The following MYOF variants were observed in gnomAD, a reference collection of about 807,000 sequenced individuals.
The protein encoded by MYOF is myoferlin.
A neutral mutation model predicts 284.2 loss-of-function variants in MYOF; 244 were observed. The observed-to-expected ratio is 0.86, with a 90% CI of 0.77 to 0.95. MYOF has a LOEUF of 0.95. Among genes scored for constraint, MYOF ranks in the 40% least tolerant of loss-of-function variants. The probability of loss-of-function intolerance (pLI) is 0.00; values close to 1 mark genes in which losing one functional copy is unlikely to be tolerated. For synonymous variants in MYOF, 904 were observed against 919.7 expected (o/e 0.98, Z 0.31); for missense variants, 2,496 against 2,560.6 (o/e 0.97, Z 0.54).
At position 93,383,262 on chromosome 10, in the gene MYOF, A is replaced by G. The variant is rs1846210620; in HGVS notation, c.1699-1866T>C. Among the ~76,000 whole-genome samples, 4 of 152,290 alleles carry G rather than the reference A, an allele frequency of 2.6e-5. No individual in the cohort carries two copies. The South Asian group carries it at 8.3e-4, about 32-fold the overall frequency. ...ACAGTGACTGAAGCTTGTGGTCTTG[A>G]AGAACCCCTGGACATCCTTCTATTA... On this transcript the variant is annotated intron_variant, in intron 19 of 53. Transcript: ENST00000359263.
chr10:93,379,970 A>T lies in MYOF; in HGVS notation c.1894T>A (p.Leu632Met). Residue 632 changes from leucine (L) to methionine (M), a missense_variant, in exon 21 of 54, where the codon TTG (leucine) becomes ATG (methionine). Leu to Met is a conservative substitution (Grantham distance 15). This residue lies in a region of MYOF where 2,436 missense variants were observed against 2,480.7 expected (regional missense o/e 0.98). Coordinates refer to ENST00000359263, the MANE Select transcript of MYOF (RefSeq NM_013451.4). ...AVFDGNYYYY[L>M]PWAHTKPVVT... ...ACTGGCTTGGTGTGGGCCCAAGGCAAGTAATAATAGTAGTTGCCTGGTATA... is the reference window on the plus strand; with the variant it reads ...ACTGGCTTGGTGTGGGCCCAAGGCATGTAATAATAGTAGTTGCCTGGTATA... 1 of 1,613,898 alleles carries T rather than the reference A, an allele frequency of 6.2e-7. No homozygotes were observed. The highest frequency in any genetic ancestry group is 1.3e-5 in the African/African-American group (1 of 75,050).
In MYOF at chr10:93,394,133, G is replaced by T. The variant is rs527482986; in HGVS notation, c.1418-1178C>A. ...ATTTATTCATTCGAGATGGGGTCTT[G>T]CTCTGTTGTCCAGGCTGGAGTGTAA... On this transcript the variant is annotated intron_variant, in intron 16 of 53. Coordinates refer to ENST00000359263, the MANE Select transcript of MYOF (RefSeq NM_013451.4). 8.5e-5 allele frequency among the ~76,000 whole-genome samples: 13 copies of T among 152,170 alleles called. No homozygotes were observed. The South Asian group carries it at 2.5e-3, about 29-fold the overall frequency.
At chr10:93,395,513 C>T (rs926342533) in intron 16 of MYOF, among the ~76,000 whole-genome samples, 10 of 152,268 alleles carry the variant, frequency 6.6e-5, no homozygotes, top group African/African-American at 2.4e-4. Flanking sequence ...AACTGCTTTC[C>T]TTCATTCCCT....
intron 43 of MYOF, 121 bp from the exon 44 acceptor site, chr10:93,329,955 CA>C: frequency 1.0e-6 from 1 of 959,220 alleles, no homozygotes; most frequent in Non-Finnish European, 1.6e-6. Context: ...GACATCTGAG[CA>C]GGATAACCAG....
At chr10:93,340,367 GGTTTC>G in intron 38 of MYOF, 1 of 548,652 alleles carries the variant, frequency 1.8e-6, no homozygotes, top group Non-Finnish European at 3.2e-6. Flanking sequence ...CCACCTTACT[GGTTTC>G]TTTTCTGAAA....
At chr10:93,403,047 C>G (rs1417971428) in intron 9 of MYOF, among the ~76,000 whole-genome samples, 157 bp from the exon 10 acceptor site, 1 of 152,160 alleles carries the variant, frequency 6.6e-6, no homozygotes. Context: ...ATCCCCAGTG[C>G]CTTGTCTGAT....
At chr10:93,389,198 C>G (rs377320905) in intron 17 of MYOF, 44 bp from the exon 18 acceptor site, 2 of 1,579,604 alleles carry the variant, frequency 1.3e-6, no homozygotes, top group Non-Finnish European at 1.7e-6. Context: ...TTTTAACATT[C>G]AATCTATTGA....
intron 23 of MYOF, 91 bp downstream of exon 23, chr10:93,374,672 T>C: frequency 7.6e-7 from 1 of 1,318,772 alleles, no homozygotes; most frequent in Non-Finnish European, 1.0e-6. Flanking sequence ...GATAATGTAG[T>C]AGATTCTCTT....
chr10:93,332,240 G>A (rs1843343207), intron 43 of MYOF, among the ~76,000 whole-genome samples: 1 of 109,176 alleles, frequency 9.2e-6, no homozygotes, highest in African/African-American at 3.7e-5. Flanking sequence ...TTTTTTTTTG[G>A]GAGACGGAGT....
rs1408281682 is a variant in MYOF, at chr10:93,340,137, T to C, written c.4338+16A>G. On this transcript the variant is annotated intron_variant, in intron 39 of 53. Transcript: ENST00000359263. ...TACATGAATCTTAAATGTAGCAAAATGTATACCATAGTTACCTTTTCTGTC... is the reference window on the plus strand; with the variant it reads ...TACATGAATCTTAAATGTAGCAAAACGTATACCATAGTTACCTTTTCTGTC... 1.9e-6 allele frequency: 3 copies of C among 1,613,554 alleles called. No homozygotes were observed. The highest frequency in any genetic ancestry group is 2.2e-5 in the East Asian group (1 of 44,840).
At chr10:93,449,760 G>C (rs996853561) in intron 3 of MYOF, among the ~76,000 whole-genome samples, 1 of 151,976 alleles carries the variant, frequency 6.6e-6, no homozygotes, top group Non-Finnish European at 1.5e-5. Flanking sequence ...CAAAGTGCTA[G>C]GATTACAGGC....
At chr10:93,453,900 G>A (rs189294030) in intron 2 of MYOF, among the ~76,000 whole-genome samples, 404 of 151,858 alleles carry the variant, frequency 2.7e-3, no homozygotes, top group African/African-American at 9.4e-3. Context: ...AGAAAAAAAA[G>A]AGCCGGGCGC....
chr10:93,436,203 A>G (rs887114363), intron 3 of MYOF, among the ~76,000 whole-genome samples: 1 of 152,184 alleles, frequency 6.6e-6, no homozygotes, highest in Non-Finnish European at 1.5e-5. Flanking sequence ...CCTAAAACAC[A>G]AAGCCTTCCT....
chr10:93,410,258 G>T (rs1287304587), intron 5 of MYOF, among the ~76,000 whole-genome samples: 2 of 152,034 alleles, frequency 1.3e-5, no homozygotes, highest in African/African-American at 4.8e-5. Context: ...TCATTTTCTT[G>T]CCAAGCACCA....
Position 93,369,771 on chromosome 10 carries a change from T to C in MYOF, c.2463A>G (p.Pro821=), listed in dbSNP as rs201864256. The C allele has an allele frequency of 4.1e-5, 66 of 1,614,142 alleles. 2 individuals are homozygous for C. In the Middle Eastern group the frequency reaches 2.1e-3, roughly 52 times the overall value. ...GKTQTIFLKY[P]QEKNNGPKVP... ...CCTTTGGCCCGTTGTTTTTCTCCTG[T>C]GGATACTGTGAGATGAACAATAGCA... The change falls in exon 25 of 54, where the codon CCA becomes CCG. Residue 821 remains proline (P), a synonymous_variant. Coordinates refer to ENST00000359263, the MANE Select transcript of MYOF (RefSeq NM_013451.4).
At chr10:93,391,924 T>C (rs1475041866) in intron 17 of MYOF, among the ~76,000 whole-genome samples, 1 of 152,242 alleles carries the variant, frequency 6.6e-6, no homozygotes, top group Non-Finnish European at 1.5e-5. Context: ...TCTCTGTGAC[T>C]AAAGTATCAC....
intron 45 of MYOF, among the ~76,000 whole-genome samples, chr10:93,326,427 G>A (rs1843050975): frequency 6.6e-6 from 1 of 152,206 alleles, no homozygotes; most frequent in Non-Finnish European, 1.5e-5. Flanking sequence ...AAAAGGAACA[G>A]CAGCCTCAGA....
chr10:93,307,190 C>A (rs951984532), intron 53 of MYOF, among the ~76,000 whole-genome samples, 189 bp from the exon 54 acceptor site: 3 of 119,362 alleles, frequency 2.5e-5, no homozygotes, highest in South Asian at 2.4e-4. Context: ...CCAGTAGCAC[C>A]CCCCCGCCAA....
At chr10:93,401,651 T>C in intron 11 of MYOF, 107 bp from the exon 12 acceptor site, 1 of 1,445,396 alleles carries the variant, frequency 6.9e-7, no homozygotes, top group Non-Finnish European at 9.4e-7. Flanking sequence ...TCCATTAAGA[T>C]TTCCTGTGTT....
Sources: gnomAD v4.1 joint callset for allele counts (sites outside exome capture counted in the v4.1 genomes callset) on GRCh38, gnomAD v4.1.1 for gene constraint, gnomAD v4.1.1 regional missense constraint, MANE v1.5 for transcripts, NCBI Gene and HGNC (gene_info 2026-07-23, HGNC 2026-07-21) for gene names.